FHOD3: variants seen among roughly 807,000 people sequenced by gnomAD.
FHOD3 encodes the protein formin homology 2 domain containing 3.
FHOD3 carries 90 observed loss-of-function variants against 173.0 expected under a neutral mutation model. The observed-to-expected ratio is 0.52, with a 90% CI of 0.44 to 0.62. The LOEUF (loss-of-function observed/expected upper bound fraction) is 0.62, where lower values mean the gene tolerates loss of function less well. Among genes scored for constraint, FHOD3 ranks in the 20% least tolerant of loss-of-function variants. FHOD3 has a pLI of 0.00. For synonymous variants in FHOD3, 828 were observed against 823.0 expected (o/e 1.01, Z -0.10); for missense variants, 1,945 against 2,034.7 (o/e 0.96, Z 0.85).
chr18:36,749,486 A>G (rs9951194), intron 24 of FHOD3, among the ~76,000 whole-genome samples: 7,309 of 152,280 alleles, frequency 0.048, 598 homozygotes, highest in African/African-American at 0.17. Context: ...AGCTCCATCC[A>G]TGTTCCCACA....
At chr18:36,549,355 C>T (rs995341928) in intron 5 of FHOD3, among the ~76,000 whole-genome samples, 3 of 151,902 alleles carry the variant, frequency 2.0e-5, no homozygotes, top group African/African-American at 4.8e-5. Context: ...AGATATAAGC[C>T]TTTTATCAGA....
At chr18:36,551,138 T>A (rs1413394853) in intron 5 of FHOD3, among the ~76,000 whole-genome samples, 1 of 152,220 alleles carries the variant, frequency 6.6e-6, no homozygotes, top group Non-Finnish European at 1.5e-5. Context: ...TTCTGATAAA[T>A]AATTTTCCTG....
At chr18:36,474,451 G>A (rs537999195) in intron 3 of FHOD3, among the ~76,000 whole-genome samples, 1 of 152,196 alleles carries the variant, frequency 6.6e-6, no homozygotes, top group East Asian at 1.9e-4. Flanking sequence ...GCTTCTGTTT[G>A]GGCCATGCTC....
intron 3 of FHOD3, among the ~76,000 whole-genome samples, chr18:36,408,274 A>G (rs1321569877): frequency 2.6e-5 from 4 of 152,234 alleles, no homozygotes; most frequent in Admixed American, 6.5e-5. Flanking sequence ...AATCTTCACA[A>G]TGGTCTTGAT....
At chr18:36,456,666 A>C (rs577205654) in intron 3 of FHOD3, among the ~76,000 whole-genome samples, 112 of 152,146 alleles carry the variant, frequency 7.4e-4, no homozygotes, top group Non-Finnish European at 7.9e-4. Context: ...CACGGGCAAC[A>C]GTGTCAGTGA....
At chr18:36,544,972 C>G (rs1201398058) in intron 5 of FHOD3, among the ~76,000 whole-genome samples, 1 of 152,178 alleles carries the variant, frequency 6.6e-6, no homozygotes, top group Admixed American at 6.5e-5. Flanking sequence ...GTTTTTACAT[C>G]TCTAAAACTA....
In FHOD3 at chr18:36,400,571, G is replaced by A. The variant is rs189993482; in HGVS notation, c.337+27827G>A. On this transcript the variant is annotated intron_variant, in intron 3 of 28. Transcript: ENST00000590592. ...TGGGTGAACCAGGTGAATCATGAGCGGTCTGAGAAGGAGACTGTGGTTGGT... is the reference window on the plus strand; with the variant it reads ...TGGGTGAACCAGGTGAATCATGAGCAGTCTGAGAAGGAGACTGTGGTTGGT... Among the ~76,000 whole-genome samples the A allele has an allele frequency of 8.1e-4, 124 of 152,282 alleles. 2 individuals are homozygous for A. Among genetic ancestry groups the A allele is most frequent in the African/African-American group, 2.8e-3 (118 of 41,554 alleles).
intron 17 of FHOD3, among the ~76,000 whole-genome samples, chr18:36,695,244 T>A (rs2039211264): frequency 6.6e-6 from 1 of 151,138 alleles, no homozygotes; most frequent in African/African-American, 2.4e-5. Context: ...CTCAGCTACT[T>A]AGGAGGCTGA....
At chr18:36,417,913 G>C (rs1023216693) in intron 3 of FHOD3, among the ~76,000 whole-genome samples, 2 of 152,076 alleles carry the variant, frequency 1.3e-5, no homozygotes, top group African/African-American at 4.8e-5. Context: ...TATATTAACT[G>C]TCCTGGAAAA....
At chr18:36,763,455 T>C (rs2042998906) in intron 27 of FHOD3, among the ~76,000 whole-genome samples, 2 of 146,084 alleles carry the variant, frequency 1.4e-5, no homozygotes, top group Non-Finnish European at 3.0e-5. Flanking sequence ...ATAATATGCG[T>C]ATTATACACG....
intron 5 of FHOD3, among the ~76,000 whole-genome samples, chr18:36,557,230 CT>C: frequency 6.6e-6 from 1 of 152,202 alleles, no homozygotes; most frequent in East Asian, 1.9e-4. Flanking sequence ...AGCATTATAT[CT>C]TCAAATATTT....
At position 36,730,760 on chromosome 18, in the gene FHOD3, A is replaced by G. The variant is rs755793623; in HGVS notation, c.3532A>G (p.Ile1178Val). ...CCCTCCAAGGACGATTAAGATCGCCATTTTGAATTTTGATGAGTATGCCTT... is the reference window on the plus strand; with the variant it reads ...CCCTCCAAGGACGATTAAGATCGCCGTTTTGAATTTTGATGAGTATGCCTT... Reference protein sequence around the residue: ...LPPPRTIKIAILNFDEYALNK... With the variant: ...LPPPRTIKIAVLNFDEYALNK... The change falls in exon 20 of 29, where the codon ATT becomes GTT. Residue 1178 changes from isoleucine to valine, a missense_variant. Ile to Val is a conservative substitution (Grantham distance 29). Coordinates refer to ENST00000590592, the MANE Select transcript of FHOD3 (RefSeq NM_001281740.3). 3 of 1,614,166 alleles carry G rather than the reference A, an allele frequency of 1.9e-6. No individual in the cohort carries two copies. The highest frequency in any genetic ancestry group is 1.6e-4 in the Middle Eastern group (1 of 6,062).
intron 11 of FHOD3, among the ~76,000 whole-genome samples, chr18:36,651,077 C>T (rs1351714835): frequency 6.6e-6 from 1 of 152,166 alleles, no homozygotes; most frequent in African/African-American, 2.4e-5. Flanking sequence ...AAGGATTTCC[C>T]CTTCCTTCTG....
chr18:36,586,805 A>G (rs572345844), intron 6 of FHOD3, among the ~76,000 whole-genome samples: 55 of 152,256 alleles, frequency 3.6e-4, no homozygotes, highest in African/African-American at 1.3e-3. Context: ...TCAATTATTC[A>G]TAATTACCTT....
At chr18:36,558,801 T>C (rs1028120681) in intron 5 of FHOD3, among the ~76,000 whole-genome samples, 2 of 152,228 alleles carry the variant, frequency 1.3e-5, no homozygotes, top group African/African-American at 4.8e-5. Context: ...AAATAGTCCA[T>C]GGTGTGTCAT....
intron 7 of FHOD3, among the ~76,000 whole-genome samples, chr18:36,598,149 G>C (rs3859358): frequency 0.24 from 36,333 of 151,968 alleles, 4,970 homozygotes; most frequent in East Asian, 0.37. Flanking sequence ...ATCCATTTGT[G>C]CACAAGTTTA....
Position 36,709,349 on chromosome 18 carries a change from A to T in FHOD3, c.2491A>T (p.Arg831Trp). The change falls in exon 18 of 29, where the codon AGG (arginine) becomes TGG (tryptophan). Residue 831 changes from arginine to tryptophan, a missense_variant. Arg to Trp is a moderately radical substitution (Grantham distance 101). Around this residue, in one of 5 missense-constraint regions of FHOD3, gnomAD observed 1,099 missense variants for 1,051.2 expected, o/e 1.05. Transcript: ENST00000590592. ...CTCGTCCTCCAGCAGCACGTTGGAG[A>T]GGGAGGAGAAGGAGGACAAGCTCTC... ...SVSSSSSTLE[R>W]EEKEDKLSRD... 6.2e-7 allele frequency: 1 copy of T among 1,614,158 alleles called. No individual in the cohort carries two copies. The highest frequency in any genetic ancestry group is 8.5e-7 in the Non-Finnish European group (1 of 1,180,006).
intron 3 of FHOD3, among the ~76,000 whole-genome samples, chr18:36,442,777 A>G (rs898237734): frequency 2.0e-5 from 3 of 152,150 alleles, no homozygotes; most frequent in Admixed American, 1.3e-4. Flanking sequence ...CTTTATTCAA[A>G]TTTTGTCCAC....
At chr18:36,689,268 G>T (rs982095217) in intron 16 of FHOD3, among the ~76,000 whole-genome samples, 2 of 152,190 alleles carry the variant, frequency 1.3e-5, no homozygotes, top group African/African-American at 2.4e-5. Flanking sequence ...GAGGTGGGAA[G>T]TAGTACAGAA....
Sources: gnomAD v4.1 joint callset for allele counts (sites outside exome capture counted in the v4.1 genomes callset) on GRCh38, gnomAD v4.1.1 for gene constraint, gnomAD v4.1.1 regional missense constraint, MANE v1.5 for transcripts, NCBI Gene and HGNC (gene_info 2026-07-23, HGNC 2026-07-21) for gene names.